Variants in ADK observed in about 807,000 individuals in gnomAD.
The protein encoded by ADK is adenosine kinase.
In ADK, 24 loss-of-function variants were observed where a neutral mutation model predicts 44.7. That is an observed-to-expected ratio of 0.54 (90% confidence interval 0.39 to 0.76). ADK has a LOEUF of 0.76. Ranked by LOEUF, ADK falls within the 30% of genes least tolerant of loss-of-function variation. The pLI is 0.00. For synonymous variants in ADK, 128 were observed against 142.6 expected, an observed-to-expected ratio of 0.90 and a Z score of 0.73; for missense variants, 321 against 425.1, an observed-to-expected ratio of 0.76 and a Z score of 2.15.
chr10:74,235,817 T>C (rs1844937819), intron 3 of ADK, among the ~76,000 whole-genome samples: 1 of 152,160 alleles, frequency 6.6e-6, no homozygotes, highest in Non-Finnish European at 1.5e-5. Context: ...CTTTAAGAGG[T>C]GATTAGATCA....
chr10:74,545,142 G>A (rs1849780955), intron 7 of ADK, among the ~76,000 whole-genome samples: 1 of 151,992 alleles, frequency 6.6e-6, no homozygotes, highest in African/African-American at 2.4e-5. Context: ...GAGATTTAAT[G>A]TACTTAAATT....
chr10:74,475,299 T>A (rs1387141398), intron 6 of ADK, among the ~76,000 whole-genome samples: 1 of 152,200 alleles, frequency 6.6e-6, no homozygotes, highest in Non-Finnish European at 1.5e-5. Context: ...CACATTGGCT[T>A]CTGTATCATT....
At chr10:74,467,762 CTA>C (rs2133274992) in intron 6 of ADK, among the ~76,000 whole-genome samples, 1 of 152,038 alleles carries the variant, frequency 6.6e-6, no homozygotes, top group South Asian at 2.1e-4. Context: ...ATTTAAATCT[CTA>C]TATTAAACAT....
chr10:74,201,873 C>A (rs1361773544), intron 2 of ADK, among the ~76,000 whole-genome samples: 1 of 152,078 alleles, frequency 6.6e-6, no homozygotes, highest in African/African-American at 2.4e-5. Flanking sequence ...CCCCCCTCTC[C>A]TCACACACCC....
intron 7 of ADK, among the ~76,000 whole-genome samples, chr10:74,550,145 A>G (rs977056025): frequency 6.7e-6 from 1 of 148,688 alleles, no homozygotes; most frequent in Non-Finnish European, 1.5e-5. Context: ...ATCTTGGCTC[A>G]CTGCAACCTC....
At chr10:74,522,358 T>C (rs147946878) in intron 6 of ADK, among the ~76,000 whole-genome samples, 69 of 152,216 alleles carry the variant, frequency 4.5e-4, no homozygotes, top group African/African-American at 1.4e-3. Flanking sequence ...GGAAAAGGGT[T>C]TTATGGCCAG....
At chr10:74,338,681 G>A (rs1338873860) in intron 4 of ADK, among the ~76,000 whole-genome samples, 1 of 152,142 alleles carries the variant, frequency 6.6e-6, no homozygotes, top group Non-Finnish European at 1.5e-5. Flanking sequence ...GTTACATACT[G>A]TATGATTCCA....
rs1242549759 is a variant in ADK at position 74,563,044 on chromosome 10, AT to A, written c.727-26231del. Among the ~76,000 whole-genome samples, 10 of 152,046 alleles carry A rather than the reference AT, an allele frequency of 6.6e-5. No individual in the cohort carries two copies. The East Asian group carries it at 1.7e-3, about 26-fold the overall frequency. On this transcript the variant is annotated intron_variant, in intron 7 of 10. Coordinates refer to ENST00000539909, the MANE Select transcript of ADK (RefSeq NM_006721.4). Reference sequence around the variant, plus strand: ...CACACTGGCCTGTTTTCAGTTTGAGATTTTTTTATTTTTAATTTTTTTTAAA... The same window carrying A: ...CACACTGGCCTGTTTTCAGTTTGAGATTTTTTATTTTTAATTTTTTTTAAA...
intron 9 of ADK, among the ~76,000 whole-genome samples, chr10:74,606,338 GTCGATTTTAGATCTT>G (rs1247665393): frequency 1.3e-5 from 2 of 152,158 alleles, no homozygotes; most frequent in Non-Finnish European, 2.9e-5. Flanking sequence ...ATGTTAGGAT[GTCGATTTTAGATCTT>G]TCCCGCTTTC....
intron 6 of ADK, among the ~76,000 whole-genome samples, chr10:74,411,049 C>T (rs1844158219): frequency 6.6e-6 from 1 of 152,094 alleles, no homozygotes; most frequent in Non-Finnish European, 1.5e-5. Flanking sequence ...TTGGTCAAAT[C>T]GATGATCACC....
chr10:74,593,667 A>G (rs138993981), intron 8 of ADK, among the ~76,000 whole-genome samples: 164 of 152,264 alleles, frequency 1.1e-3, no homozygotes, highest in African/African-American at 3.8e-3. Flanking sequence ...TAAACAGCAT[A>G]ACTATTAAAG....
rs923732070 is a variant in ADK, at chr10:74,153,648, A to G, written c.65+2305A>G. On this transcript the variant is annotated intron_variant, in intron 1 of 10. Coordinates refer to ENST00000539909, the MANE Select transcript of ADK (RefSeq NM_006721.4). ...TCTCTTTTAACCCTCCCAGTGACCT[A>G]TGAGGTAGGAGCAATGATTCCTGTG... is the stretch of plus-strand genomic sequence containing the variant. 5.3e-5 allele frequency among the ~76,000 whole-genome samples: 8 copies of G among 152,178 alleles called. 1 individual carries two copies. In the South Asian group the frequency reaches 6.2e-4, roughly 12 times the overall value.
intron 5 of ADK, among the ~76,000 whole-genome samples, chr10:74,395,947 GT>G (rs1187607798): frequency 5.9e-5 from 9 of 152,300 alleles, no homozygotes; most frequent in South Asian, 2.1e-4. Flanking sequence ...GGAGGTGGAG[GT>G]TGCAGTGAGC....
At chr10:74,369,370 C>A (rs1365744694) in intron 4 of ADK, among the ~76,000 whole-genome samples, 1 of 152,076 alleles carries the variant, frequency 6.6e-6, no homozygotes, top group Non-Finnish European at 1.5e-5. Context: ...TAGAAGAGTT[C>A]TTTATCTAAC....
intron 9 of ADK, among the ~76,000 whole-genome samples, chr10:74,610,566 A>G (rs1246196126): frequency 6.6e-6 from 1 of 152,232 alleles, no homozygotes; most frequent in Non-Finnish European, 1.5e-5. Flanking sequence ...GTTACATTTT[A>G]TGTATATTTT....
Position 74,506,788 on chromosome 10 carries a change from T to C in ADK, c.556-18468T>C, listed in dbSNP as rs1848093639. 2.6e-5 allele frequency among the ~76,000 whole-genome samples: 4 copies of C among 152,232 alleles called. No individual in the cohort carries two copies. In the South Asian group the frequency reaches 8.3e-4, roughly 32 times the overall value. On this transcript the variant is annotated intron_variant, in intron 6 of 10. Transcript: ENST00000539909. ...ATAGATTTTAACTTTTTATAATACA[T>C]TTTTATAGTTTTATGATAGTGATAA...
At chr10:74,415,854 A>G (rs1213570660) in intron 6 of ADK, among the ~76,000 whole-genome samples, 1 of 152,088 alleles carries the variant, frequency 6.6e-6, no homozygotes, top group Non-Finnish European at 1.5e-5. Flanking sequence ...TCCTGATTAC[A>G]CAAATAATGT....
At chr10:74,646,451 G>T (rs1435368407) in intron 9 of ADK, among the ~76,000 whole-genome samples, 2 of 152,140 alleles carry the variant, frequency 1.3e-5, no homozygotes, top group Non-Finnish European at 2.9e-5. Context: ...AAATTGAGCT[G>T]AATTAAAACA....
chr10:74,395,421 T>C (rs1843474531), intron 5 of ADK, among the ~76,000 whole-genome samples: 1 of 152,110 alleles, frequency 6.6e-6, no homozygotes, highest in African/African-American at 2.4e-5. Flanking sequence ...ATTCAAAAAT[T>C]ATTAGGGTAT....
Sources: allele counts gnomAD v4.1 joint callset (sites outside exome capture counted in the v4.1 genomes callset), GRCh38; gene constraint gnomAD v4.1.1; transcripts MANE v1.5; gene names NCBI Gene and HGNC (gene_info 2026-07-23, HGNC 2026-07-21).